ATR: variants seen among roughly 807,000 people sequenced by gnomAD.
ATR encodes ATR checkpoint kinase.
In ATR, 142 loss-of-function variants were observed where a neutral mutation model predicts 305.3. That is an observed-to-expected ratio of 0.47 (90% CI 0.41 to 0.53). ATR has a LOEUF of 0.53. Among genes scored for constraint, ATR ranks in the 20% least tolerant of loss-of-function variants. The pLI is 0.00. For missense variants in ATR, 2,135 were observed against 3,133.1 expected (o/e 0.68, Z 7.60); for synonymous variants, 1,050 against 1,068.1 (o/e 0.98, Z 0.33).
At chr3:142,548,917 A>G (rs1404509316) in intron 15 of ATR, among the ~76,000 whole-genome samples, 3 of 152,048 alleles carry the variant, frequency 2.0e-5, no homozygotes, top group Admixed American at 6.6e-5. Context: ...TTATGAAACA[A>G]ATTAAGTAAA....
intron 25 of ATR, among the ~76,000 whole-genome samples, chr3:142,513,888 C>CAAA (rs893508545): frequency 1.3e-5 from 2 of 149,442 alleles, no homozygotes; most frequent in African/African-American, 4.9e-5. Context: ...AGCCAAAAAA[C>CAAA]AAAAAAAAAC....
intron 1 of ATR, among the ~76,000 whole-genome samples, chr3:142,575,444 A>G (rs1180274890): frequency 6.8e-6 from 1 of 147,858 alleles, no homozygotes; most frequent in African/African-American, 2.5e-5. Flanking sequence ...AGATCACGCC[A>G]CTGGAGAGGG....
chr3:142,473,461 T>C (rs575402678), intron 36 of ATR, among the ~76,000 whole-genome samples: 1 of 152,288 alleles, frequency 6.6e-6, no homozygotes, highest in Non-Finnish European at 1.5e-5. Context: ...ATGTAGCCAT[T>C]TTAATACTAA....
intron 36 of ATR, among the ~76,000 whole-genome samples, chr3:142,474,776 G>A (rs2071392846): frequency 2.0e-5 from 3 of 152,044 alleles, no homozygotes; most frequent in Admixed American, 2.0e-4. Context: ...GAATATAAGT[G>A]GCAAGAGTGG....
intron 42 of ATR, among the ~76,000 whole-genome samples, chr3:142,461,112 G>A (rs1473601861): frequency 1.3e-5 from 2 of 151,998 alleles, no homozygotes; most frequent in Non-Finnish European, 2.9e-5. Context: ...AAGGAGTTCG[G>A]ACCAGTTATA....
intron 21 of ATR, among the ~76,000 whole-genome samples, chr3:142,534,158 A>G (rs2033766335): frequency 6.6e-6 from 1 of 152,126 alleles, no homozygotes; most frequent in East Asian, 1.9e-4. Context: ...AAACCAGGTA[A>G]AGGTATGGGG....
At chr3:142,483,353 A>G (rs114795110) in intron 36 of ATR, among the ~76,000 whole-genome samples, 2,709 of 151,572 alleles carry the variant, frequency 0.018, 29 homozygotes, top group South Asian at 0.041. Flanking sequence ...TTATAAAAAC[A>G]TAAACAGTAG....
intron 18 of ATR, among the ~76,000 whole-genome samples, chr3:142,538,950 A>G (rs996651750): frequency 2.0e-5 from 3 of 152,146 alleles, no homozygotes; most frequent in African/African-American, 7.2e-5. Context: ...TCGAAATTGG[A>G]ATCTAGATTT....
intron 17 of ATR, among the ~76,000 whole-genome samples, chr3:142,542,273 GAT>G (rs1312805778): frequency 6.6e-6 from 1 of 152,122 alleles, no homozygotes; most frequent in African/African-American, 2.4e-5. Context: ...TAGATGTTGT[GAT>G]GACGTGAGCT....
intron 45 of ATR, among the ~76,000 whole-genome samples, chr3:142,456,095 G>A (rs1213181804): frequency 1.3e-5 from 2 of 151,134 alleles, no homozygotes; most frequent in South Asian, 2.1e-4. Flanking sequence ...GAAGGTGGAT[G>A]GCTTGAGCTT....
intron 23 of ATR, among the ~76,000 whole-genome samples, chr3:142,521,758 T>C (rs761817567): frequency 2.6e-5 from 4 of 152,198 alleles, no homozygotes; most frequent in African/African-American, 4.8e-5. Context: ...CTTCTCATGA[T>C]AAAACCTGAA....
At chr3:142,468,203 A>C in intron 38 of ATR, 135 bp from the exon 39 acceptor site, 2 of 1,050,154 alleles carry the variant, frequency 1.9e-6, no homozygotes, top group Non-Finnish European at 2.7e-6. Context: ...CTGAAAATTT[A>C]TTTGGCAATG....
At chr3:142,558,602 A>G (rs371690892) in intron 8 of ATR, 22 bp downstream of exon 8, 5 of 1,599,632 alleles carry the variant, frequency 3.1e-6, no homozygotes, top group Non-Finnish European at 4.3e-6. Context: ...CAAACCACAC[A>G]CACATTCTTG....
intron 16 of ATR, among the ~76,000 whole-genome samples, chr3:142,544,419 T>A (rs1404820263): frequency 9.4e-6 from 1 of 105,968 alleles, no homozygotes; most frequent in Non-Finnish European, 1.8e-5. Flanking sequence ...ACCACTGCAG[T>A]CCAGCCTGGG....
chr3:142,549,367 T>A (rs991390441), intron 15 of ATR, 112 bp downstream of exon 15: 4 of 690,076 alleles, frequency 5.8e-6, no homozygotes, highest in Non-Finnish European at 9.1e-6. Flanking sequence ...TAAACTTACA[T>A]TCTTCTAGGA....
intron 30 of ATR, 96 bp downstream of exon 30, chr3:142,503,266 T>A (rs1442090360): frequency 1.1e-6 from 1 of 879,640 alleles, no homozygotes; most frequent in African/African-American, 1.7e-5. Context: ...CATAAAACAT[T>A]TATTACTCTA....
intron 36 of ATR, among the ~76,000 whole-genome samples, chr3:142,475,214 C>A (rs2071405269): frequency 6.6e-6 from 1 of 152,308 alleles, no homozygotes; most frequent in South Asian, 2.1e-4. Flanking sequence ...CGTCATTTAA[C>A]ATTAGGTATA....
chr3:142,521,435 T>C (rs1415664932), intron 23 of ATR, among the ~76,000 whole-genome samples: 1 of 152,220 alleles, frequency 6.6e-6, no homozygotes, highest in African/African-American at 2.4e-5. Flanking sequence ...TCAAGTTTTA[T>C]TACTTAAGAA....
chr3:142,512,504 T>G, intron 26 of ATR, 34 bp from the exon 27 acceptor site: 1 of 1,456,332 alleles, frequency 6.9e-7, no homozygotes, highest in Non-Finnish European at 9.4e-7. Flanking sequence ...TAATAATATC[T>G]ATATAATACC....
Sources: gnomAD v4.1 joint callset for allele counts (sites outside exome capture counted in the v4.1 genomes callset) on GRCh38, gnomAD v4.1.1 for gene constraint, MANE v1.5 for transcripts, NCBI Gene and HGNC (gene_info 2026-07-23, HGNC 2026-07-21) for gene names.